DLC1: variants seen among roughly 807,000 people sequenced by gnomAD.
DLC1 encodes DLC1 Rho GTPase activating protein.
A neutral mutation model predicts 140.3 loss-of-function variants in DLC1; 54 were observed. That is an observed-to-expected ratio of 0.38 (90% CI 0.31 to 0.48). The LOEUF (loss-of-function observed/expected upper bound fraction) is 0.48. DLC1 is among the 20% of genes least tolerant of loss of function. DLC1 has a pLI of 0.96. For synonymous variants in DLC1, 986 were observed against 728.1 expected, an observed-to-expected ratio of 1.35 and a Z score of -5.70; for missense variants, 2,536 against 1,907.0, an observed-to-expected ratio of 1.33 and a Z score of -6.14.
At chr8:13,369,250 T>A (rs995214378) in intron 4 of DLC1, among the ~76,000 whole-genome samples, 1 of 151,188 alleles carries the variant, frequency 6.6e-6, no homozygotes, top group African/African-American at 2.4e-5. Flanking sequence ...TGCCATAGAG[T>A]GGAGTTGTTG....
In DLC1 at chr8:13,096,045, C is replaced by T. The variant is rs184760264; in HGVS notation, c.3168-800G>A. The T allele has an allele frequency of 1.4e-3, 213 of 152,354 alleles. 2 individuals carry two copies. The highest frequency in any genetic ancestry group is 4.4e-3 in the African/African-American group (181 of 41,566). 9.4% of individuals were successfully genotyped at this position (152,354 alleles called of 1,614,324 possible). A position where few individuals can be genotyped will look rare whatever the true frequency, so the allele number is the denominator to read the frequency against. ...AGCACTATATGCAACAGCAGGAAAC[C>T]CATGTCATGCATTTCAGGCTGTCAA... On this transcript the variant is annotated intron_variant, in intron 10 of 17. Coordinates refer to ENST00000276297, the MANE Select transcript of DLC1 (RefSeq NM_182643.3).
chr8:13,288,668 G>A (rs1831632924), intron 5 of DLC1, among the ~76,000 whole-genome samples: 1 of 152,190 alleles, frequency 6.6e-6, no homozygotes, highest in African/African-American at 2.4e-5. Flanking sequence ...TGCCATCAAG[G>A]TCTAGAATAA....
At chr8:13,392,214 C>T (rs193185876) in intron 4 of DLC1, among the ~76,000 whole-genome samples, 1 of 152,286 alleles carries the variant, frequency 6.6e-6, no homozygotes, top group Admixed American at 6.5e-5. Flanking sequence ...TACAGCATTT[C>T]ATTGCGTTTC....
intron 2 of DLC1, among the ~76,000 whole-genome samples, chr8:13,444,051 G>A (rs763345312): frequency 1.4e-4 from 22 of 152,176 alleles, no homozygotes; most frequent in Admixed American, 2.6e-4. Flanking sequence ...TTCTCAAAAA[G>A]TAAAGCAAAA....
intron 13 of DLC1, 92 bp downstream of exon 13, chr8:13,092,520 A>C: frequency 7.1e-7 from 1 of 1,402,264 alleles, no homozygotes; most frequent in Non-Finnish European, 9.8e-7. Flanking sequence ...TGCTTGTTTC[A>C]GGAAAGAGTC....
At chr8:13,378,263 G>T (rs888084145) in intron 4 of DLC1, among the ~76,000 whole-genome samples, 1 of 150,700 alleles carries the variant, frequency 6.6e-6, no homozygotes, top group Admixed American at 6.6e-5. Flanking sequence ...CTTAGTAATT[G>T]TAAAAGTCTA....
intron 5 of DLC1, among the ~76,000 whole-genome samples, chr8:13,300,280 T>C (rs111832956): frequency 0.031 from 4,778 of 152,152 alleles, 125 homozygotes; most frequent in African/African-American, 0.072. Context: ...GGGCCTTTTT[T>C]GGGGAGGATG....
chr8:13,555,000 T>A (rs1415524065), intron 1 of DLC1, among the ~76,000 whole-genome samples: 2 of 152,254 alleles, frequency 1.3e-5, no homozygotes, highest in Admixed American at 1.3e-4. Flanking sequence ...TTTAAACATG[T>A]TAAGCACGTC....
chr8:13,299,998 C>G (rs527699739), intron 5 of DLC1, among the ~76,000 whole-genome samples: 1 of 152,268 alleles, frequency 6.6e-6, no homozygotes, highest in East Asian at 1.9e-4. Flanking sequence ...TTCATTGCAG[C>G]ACTATTCACA....
chr8:13,405,316 C>T (rs1837477271), intron 2 of DLC1, among the ~76,000 whole-genome samples: 1 of 151,956 alleles, frequency 6.6e-6, no homozygotes, highest in Admixed American at 6.6e-5. Flanking sequence ...CCTCTGTGGT[C>T]CTCAGTGACT....
intron 5 of DLC1, among the ~76,000 whole-genome samples, chr8:13,135,730 T>G (rs1253707773): frequency 6.6e-6 from 1 of 152,244 alleles, no homozygotes; most frequent in Non-Finnish European, 1.5e-5. Context: ...TCTAATTTAA[T>G]TAGGTTCCCA....
intron 4 of DLC1, among the ~76,000 whole-genome samples, chr8:13,350,240 A>T (rs1169222012): frequency 1.3e-5 from 2 of 151,966 alleles, no homozygotes; most frequent in African/African-American, 4.8e-5. Flanking sequence ...CTAACGATAG[A>T]TTTTTATAAC....
chr8:13,308,091 C>T (rs1050764197), intron 4 of DLC1, among the ~76,000 whole-genome samples: 1 of 152,124 alleles, frequency 6.6e-6, no homozygotes, highest in African/African-American at 2.4e-5. Flanking sequence ...CAAAAACAAG[C>T]CTTTTCTATA....
chr8:13,459,943 T>C (rs527296971), intron 2 of DLC1, among the ~76,000 whole-genome samples: 3 of 152,282 alleles, frequency 2.0e-5, no homozygotes, highest in East Asian at 3.9e-4. Context: ...GTGTGTATTG[T>C]GCCGGGAAGG....
At chr8:13,457,991 G>A (rs1276734100) in intron 2 of DLC1, among the ~76,000 whole-genome samples, 1 of 152,054 alleles carries the variant, frequency 6.6e-6, no homozygotes, top group Non-Finnish European at 1.5e-5. Context: ...GGTTCAAGAA[G>A]GACCAACACA....
intron 5 of DLC1, among the ~76,000 whole-genome samples, chr8:13,243,387 C>A (rs942433376): frequency 6.6e-6 from 1 of 151,524 alleles, no homozygotes; most frequent in South Asian, 2.1e-4. Context: ...CACCTTCTGC[C>A]GTGATTGTGA....
Position 13,395,851 on chromosome 8 carries a change from TC to T in DLC1, c.1174-2159del, listed in dbSNP as rs761534139. On this transcript the variant is annotated intron_variant, in intron 3 of 17. Coordinates refer to ENST00000276297, the MANE Select transcript of DLC1 (RefSeq NM_182643.3). ...CAGGGCCATGTCTTCTTCTTCTTCT[TC>T]TTTGTTTTTTTGCATAGAAAAGACA... is the stretch of plus-strand genomic sequence containing the variant. Among the ~76,000 whole-genome samples, 675 of 139,026 alleles carry T rather than the reference TC, an allele frequency of 4.9e-3. 4 individuals are homozygous for T. Among genetic ancestry groups the T allele is most frequent in the Non-Finnish European group, 7.8e-3 (473 of 60,352 alleles). 91.2% of individuals were successfully genotyped at this position (139,026 alleles called of 152,430 possible). A position where few individuals can be genotyped will look rare whatever the true frequency, so the allele number is the denominator to read the frequency against.
chr8:13,355,233 C>T (rs117338356), intron 4 of DLC1, among the ~76,000 whole-genome samples: 1 of 152,018 alleles, frequency 6.6e-6, no homozygotes, highest in Non-Finnish European at 1.5e-5. Flanking sequence ...CACCTGTAAT[C>T]CCAACACCTA....
At chr8:13,586,962 C>G (rs1157923963) in intron 1 of DLC1, among the ~76,000 whole-genome samples, 1 of 151,954 alleles carries the variant, frequency 6.6e-6, no homozygotes, top group East Asian at 1.9e-4. Context: ...AATACATGGA[C>G]ATTGAGGACC....
Sources: gnomAD v4.1 joint callset for allele counts (sites outside exome capture counted in the v4.1 genomes callset) on GRCh38, gnomAD v4.1.1 for gene constraint, MANE v1.5 for transcripts, NCBI Gene and HGNC (gene_info 2026-07-23, HGNC 2026-07-21) for gene names.